Variants in RNF126 observed in about 807,000 individuals in gnomAD.
RNF126 encodes the protein E3 ubiquitin-protein ligase RNF126.
RNF126 carries 20 observed loss-of-function variants against 41.9 expected under a neutral mutation model. That is an observed-to-expected ratio of 0.48 (90% CI 0.34 to 0.69). The LOEUF (loss-of-function observed/expected upper bound fraction) is 0.69, where lower values mean the gene tolerates loss of function less well. RNF126 is among the 30% of genes least tolerant of loss of function. The pLI, the probability that RNF126 is intolerant of heterozygous loss-of-function variation, is 0.01. For missense variants in RNF126, 433 were observed against 460.6 expected, an observed-to-expected ratio of 0.94 and a Z score of 0.55; for synonymous variants, 239 against 202.9, an observed-to-expected ratio of 1.18 and a Z score of -1.51.
At chr19:651,578 G>A in intron 4 of RNF126, 33 bp downstream of exon 4, 3 of 1,390,778 alleles carry the variant, frequency 2.2e-6, no homozygotes, top group Non-Finnish European at 2.8e-6. Flanking sequence ...TCAAGGCGTG[G>A]GGCCCTCGCG....
chr19:660,699 G>A (rs753497371), intron 1 of RNF126, among the ~76,000 whole-genome samples: 5 of 152,076 alleles, frequency 3.3e-5, no homozygotes, highest in Non-Finnish European at 5.9e-5. Flanking sequence ...GCACCATCAC[G>A]GCTCACCGCA....
At chr19:652,038 G>A (rs1019821105) in intron 3 of RNF126, 183 bp from the exon 4 acceptor site, 23 of 694,024 alleles carry the variant, frequency 3.3e-5, no homozygotes, top group Non-Finnish European at 4.8e-5. Flanking sequence ...ATGCCTCGGT[G>A]GAAGTTTCGC....
intron 1 of RNF126, among the ~76,000 whole-genome samples, chr19:657,421 C>A (rs539005565): frequency 3.3e-5 from 5 of 152,232 alleles, no homozygotes; most frequent in Non-Finnish European, 7.3e-5. Context: ...GCCACATACA[C>A]ACTCATCTGC....
At chr19:662,949 C>T (rs912254627) in intron 1 of RNF126, 98 bp downstream of exon 1, 1 of 473,784 alleles carries the variant, frequency 2.1e-6, no homozygotes, top group Non-Finnish European at 3.3e-6. Context: ...GGTCAGCTCG[C>T]GCAAGAGGCG....
intron 1 of RNF126, among the ~76,000 whole-genome samples, chr19:654,752 A>G (rs1177374611): frequency 6.7e-6 from 1 of 150,076 alleles, no homozygotes; most frequent in Non-Finnish European, 1.5e-5. Context: ...GAATCACCTG[A>G]GGCCAGGAGT....
chr19:654,043 C>T lies in RNF126; in HGVS notation c.76-1159G>A, dbSNP rs375335521. 1.1e-4 allele frequency among the ~76,000 whole-genome samples: 17 copies of T among 152,334 alleles called. No homozygotes were observed. The East Asian group carries it at 2.5e-3, about 23-fold the overall frequency. On this transcript the variant is annotated intron_variant, in intron 1 of 8. Coordinates refer to ENST00000292363, the MANE Select transcript of RNF126 (RefSeq NM_194460.3). ...GGGACCTCTCCAGCAAGCAAGATCC[C>T]GGCCTCACCCACTGACTCTGGGGAG...
At chr19:650,944 G>A (rs904129518) in intron 4 of RNF126, among the ~76,000 whole-genome samples, 5 of 152,096 alleles carry the variant, frequency 3.3e-5, no homozygotes, top group African/African-American at 1.2e-4. Flanking sequence ...GCTCAGGCTG[G>A]TCTTAAACTC....
At chr19:658,328 G>A (rs1457045563) in intron 1 of RNF126, among the ~76,000 whole-genome samples, 1 of 151,994 alleles carries the variant, frequency 6.6e-6, no homozygotes, top group Non-Finnish European at 1.5e-5. Context: ...GGAGGGGAGT[G>A]GGCTGGCGAC....
rs542406856 is a variant in RNF126 at position 654,280 on chromosome 19, G to A, written c.76-1396C>T. Among the ~76,000 whole-genome samples the A allele has an allele frequency of 9.2e-5, 14 of 152,338 alleles. No individual in the cohort carries two copies. The East Asian group carries it at 1.5e-3, about 17-fold the overall frequency. On this transcript the variant is annotated intron_variant, in intron 1 of 8. Transcript: ENST00000292363. Reference sequence around the variant, plus strand: ...ACCATCTACAATATAGAAAAAGTGCGGCCCGGCTCCTGGTGAGGCCGGGAG... The same window carrying A: ...ACCATCTACAATATAGAAAAAGTGCAGCCCGGCTCCTGGTGAGGCCGGGAG...
rs187959872 is a variant in RNF126 at position 648,534 on chromosome 19, C to T, written c.671-47G>A. The T allele has an allele frequency of 7.2e-5, 105 of 1,459,568 alleles. 1 individual carries two copies. The African/African-American group carries it at 1.2e-3, about 17-fold the overall frequency. The allele number at this position is 1,459,568 out of a possible 1,614,324, so 90.4% of individuals were successfully genotyped here. A position where few individuals can be genotyped will look rare whatever the true frequency, so the allele number is the denominator to read the frequency against. ...GTCACAGCGGGCGTGGGGGGCCTGC[C>T]GAGCCTTCAAGGGCAGGCTACTCCA... On this transcript the variant is annotated intron_variant, in intron 7 of 8. Coordinates refer to ENST00000292363, the MANE Select transcript of RNF126 (RefSeq NM_194460.3).
Position 647,572 on chromosome 19 carries a change from A to AT in RNF126, c.*555dup, listed in dbSNP as rs1050939036. The stretch of plus-strand genomic sequence containing the variant: ...TTTAAATAGCTTTCAAGATACACAT[A>AT]TTTTTTCCTTTAAAAAAGTCTGTTG... On this transcript the variant is annotated 3_prime_UTR_variant, in exon 9 of 9. Transcript: ENST00000292363. The AT allele has an allele frequency of 3.0e-5, 5 of 168,068 alleles. No homozygotes were observed. Among genetic ancestry groups the AT allele is most frequent in the East Asian group, 1.9e-4 (1 of 5,378 alleles). 10.4% of individuals were successfully genotyped at this position (168,068 alleles called of 1,614,324 possible). A position where few individuals can be genotyped will look rare whatever the true frequency, so the allele number is the denominator to read the frequency against.
intron 1 of RNF126, among the ~76,000 whole-genome samples, chr19:661,586 C>T (rs779477114): frequency 6.6e-6 from 1 of 152,176 alleles, no homozygotes; most frequent in Non-Finnish European, 1.5e-5. Flanking sequence ...TCTCTTTCCA[C>T]TCCTGGGCCT....
At chr19:656,043 G>T (rs531724615) in intron 1 of RNF126, among the ~76,000 whole-genome samples, 1 of 152,196 alleles carries the variant, frequency 6.6e-6, no homozygotes, top group African/African-American at 2.4e-5. Flanking sequence ...TGGGGGAGGG[G>T]ACGGGGAGTG....
chr19:648,650 C>T (rs532144549), intron 7 of RNF126, among the ~76,000 whole-genome samples, 163 bp from the exon 8 acceptor site: 1 of 152,152 alleles, frequency 6.6e-6, no homozygotes, highest in Non-Finnish European at 1.5e-5. Context: ...CTGGACAGAA[C>T]CCTCTCCTCC....
At chr19:658,511 C>T (rs2030660386) in intron 1 of RNF126, among the ~76,000 whole-genome samples, 1 of 152,128 alleles carries the variant, frequency 6.6e-6, no homozygotes, top group African/African-American at 2.4e-5. Flanking sequence ...CTACTGTTTT[C>T]CTAAAGGGTG....
intron 1 of RNF126, among the ~76,000 whole-genome samples, chr19:661,610 C>G (rs920423914): frequency 6.6e-6 from 1 of 152,178 alleles, no homozygotes; most frequent in Non-Finnish European, 1.5e-5. Flanking sequence ...CCCGCTCTCC[C>G]GCCATGCCCC....
chr19:662,940 G>A (rs1308289880), intron 1 of RNF126, 107 bp downstream of exon 1: 12 of 426,174 alleles, frequency 2.8e-5, no homozygotes, highest in Middle Eastern at 7.0e-4. Context: ...TCCCGTCGTG[G>A]TCAGCTCGCG....
chr19:648,422 G>T lies in RNF126; in HGVS notation c.736C>A (p.Pro246Thr). The T allele has an allele frequency of 6.3e-7, 1 of 1,588,400 alleles. No homozygotes were observed. The highest frequency in any genetic ancestry group is 8.5e-7 in the Non-Finnish European group (1 of 1,171,248). The change falls in exon 8 of 9, where the codon CCC becomes ACC. Residue 246 changes from proline (P) to threonine (T), a missense_variant. By Grantham distance (38) the Pro-to-Thr change is conservative (BLOSUM62 -1). Coordinates refer to ENST00000292363, the MANE Select transcript of RNF126 (RefSeq NM_194460.3). The stretch of plus-strand genomic sequence containing the variant: ...CCGTCGTGGAACAGGTGGTTGCAGG[G>T]CAGCTGCCGCACACGCTCACCCAGC... ...YALGERVRQLPCNHLFHDGCI... is the reference protein window; with the variant it reads ...YALGERVRQLTCNHLFHDGCI...
chr19:649,040 G>T, intron 6 of RNF126, 65 bp from the exon 7 acceptor site: 1 of 771,322 alleles, frequency 1.3e-6, no homozygotes. Flanking sequence ...TCTGAAACGC[G>T]AGGCTGCAGG....
Sources: gnomAD v4.1 joint callset for allele counts (sites outside exome capture counted in the v4.1 genomes callset) on GRCh38, gnomAD v4.1.1 for gene constraint, MANE v1.5 for transcripts, NCBI Gene and HGNC (gene_info 2026-07-23, HGNC 2026-07-21) for gene names.